The following HNF4G variants were observed in gnomAD, a reference collection of about 807,000 sequenced individuals.
HNF4G encodes hepatocyte nuclear factor 4-gamma.
Under a neutral mutation model 50.9 loss-of-function variants are expected in HNF4G, and 21 were observed. That is an observed-to-expected ratio of 0.41 (90% CI 0.29 to 0.59). The LOEUF is 0.59. HNF4G is among the 20% of genes least tolerant of loss of function. The probability of loss-of-function intolerance (pLI) is 0.26; values close to 1 mark genes in which losing one functional copy is unlikely to be tolerated. For missense variants in HNF4G, 527 were observed against 559.4 expected (o/e 0.94, Z 0.58); for synonymous variants, 198 against 185.6 (o/e 1.07, Z -0.54).
intron 2 of HNF4G, among the ~76,000 whole-genome samples, chr8:75,516,642 T>A (rs1805895545): frequency 6.6e-6 from 1 of 152,186 alleles, no homozygotes; most frequent in Non-Finnish European, 1.5e-5. Flanking sequence ...GTTCTATCAG[T>A]TACTGAGAGA....
chr8:75,516,900 A>G (rs755420556), intron 2 of HNF4G, among the ~76,000 whole-genome samples: 24 of 152,170 alleles, frequency 1.6e-4, no homozygotes, highest in Middle Eastern at 3.2e-3. Flanking sequence ...CTTAATGATT[A>G]TATGATTGTA....
Position 75,564,006 on chromosome 8 carries a change from A to G in HNF4G, c.1278A>G (p.Pro426=), listed in dbSNP as rs61753714. The G allele has an allele frequency of 1.2e-6, 2 of 1,613,696 alleles. No homozygotes were observed. Among genetic ancestry groups the G allele is most frequent in the South Asian group, 2.2e-5 (2 of 91,064 alleles). ...CTGAAACCCCACTCCCTTCCCCACC[A>G]CAAGGCTCTGGGCAAGAACAGTACA... The part of the protein sequence containing the change: ...STPETPLPSP[P]QGSGQEQYKI... Residue 426 remains proline (P), a synonymous_variant, in exon 10 of 10, where the codon CCA becomes CCG. Coordinates refer to ENST00000396423, the MANE Select transcript of HNF4G (RefSeq NM_004133.5).
chr8:75,408,852 C>T (rs2130452417), intron 1 of HNF4G, among the ~76,000 whole-genome samples: 1 of 152,320 alleles, frequency 6.6e-6, no homozygotes, highest in East Asian at 1.9e-4. Context: ...AATGGGATGT[C>T]CCGGAAACTA....
At chr8:75,470,885 G>C (rs1452136742) in intron 1 of HNF4G, among the ~76,000 whole-genome samples, 1 of 152,158 alleles carries the variant, frequency 6.6e-6, no homozygotes, top group Non-Finnish European at 1.5e-5. Flanking sequence ...GATACAAGGG[G>C]TTAAGTCACT....
At chr8:75,557,863 G>C (rs928114212) in intron 6 of HNF4G, among the ~76,000 whole-genome samples, 1 of 152,100 alleles carries the variant, frequency 6.6e-6, no homozygotes, top group Non-Finnish European at 1.5e-5. Flanking sequence ...ATTATAGCTA[G>C]AGAATTTCTA....
At chr8:75,508,504 A>C (rs1805659686) in intron 2 of HNF4G, among the ~76,000 whole-genome samples, 1 of 152,212 alleles carries the variant, frequency 6.6e-6, no homozygotes, top group Non-Finnish European at 1.5e-5. Context: ...CTTAAAAAAG[A>C]ACTTTCTAGG....
chr8:75,513,164 A>G (rs955688505), intron 2 of HNF4G, among the ~76,000 whole-genome samples: 1 of 151,902 alleles, frequency 6.6e-6, no homozygotes, highest in African/African-American at 2.4e-5. Flanking sequence ...CAGCCTCCTG[A>G]GTAGCTGGGA....
chr8:75,493,367 C>T (rs933836330), intron 2 of HNF4G, among the ~76,000 whole-genome samples: 4 of 152,136 alleles, frequency 2.6e-5, no homozygotes, highest in African/African-American at 7.2e-5. Context: ...GGCGTGCTTT[C>T]TTTCTCACAG....
chr8:75,475,670 T>C (rs1812224124), intron 1 of HNF4G, among the ~76,000 whole-genome samples: 1 of 152,210 alleles, frequency 6.6e-6, no homozygotes, highest in Non-Finnish European at 1.5e-5. Flanking sequence ...ATGGATCAGT[T>C]ATATTGATAA....
intron 1 of HNF4G, among the ~76,000 whole-genome samples, chr8:75,441,867 A>G (rs761631960): frequency 9.2e-5 from 14 of 152,248 alleles, no homozygotes; most frequent in Non-Finnish European, 1.9e-4. Flanking sequence ...TATTTATAGC[A>G]GCACTGTTTG....
upstream of HNF4G, among the ~76,000 whole-genome samples, chr8:75,537,673 G>C (rs1426557146): frequency 6.6e-6 from 1 of 151,936 alleles, no homozygotes; most frequent in African/African-American, 2.4e-5. Flanking sequence ...TAGAATTTTT[G>C]CTTTGGATTG....
intron 1 of HNF4G, among the ~76,000 whole-genome samples, chr8:75,438,727 AT>A (rs1811201020): frequency 6.6e-6 from 1 of 152,102 alleles, no homozygotes; most frequent in Non-Finnish European, 1.5e-5. Flanking sequence ...TAAAAACAAT[AT>A]ATATAAAAGA....
chr8:75,459,195 CTT>C (rs1309429342), intron 1 of HNF4G, among the ~76,000 whole-genome samples: 2 of 152,074 alleles, frequency 1.3e-5, no homozygotes, highest in Admixed American at 6.6e-5. Context: ...GTAAATAACA[CTT>C]ATATAAAATT....
At chr8:75,414,249 G>T (rs1459053701) in intron 1 of HNF4G, among the ~76,000 whole-genome samples, 2 of 151,598 alleles carry the variant, frequency 1.3e-5, no homozygotes, top group East Asian at 3.9e-4. Context: ...ATATATAAAT[G>T]GAATCATATA....
intron 1 of HNF4G, among the ~76,000 whole-genome samples, chr8:75,475,839 G>T (rs967694880): frequency 1.3e-5 from 2 of 152,102 alleles, no homozygotes; most frequent in African/African-American, 2.4e-5. Context: ...TAAAGTGTAT[G>T]TAGGGTGTAT....
upstream of HNF4G, chr8:75,408,022 G>C (rs967898036): frequency 6.6e-6 from 1 of 152,162 alleles, no homozygotes; most frequent in Non-Finnish European, 1.5e-5. Flanking sequence ...CGCCCCGGCG[G>C]CTGCCGGGCA....
intron 2 of HNF4G, among the ~76,000 whole-genome samples, chr8:75,513,636 A>T (rs1049410846): frequency 1.3e-5 from 2 of 151,916 alleles, no homozygotes; most frequent in South Asian, 4.1e-4. Context: ...TTACTATTTT[A>T]TATCTATTGT....
intron 9 of HNF4G, 95 bp downstream of exon 9, chr8:75,560,561 C>A (rs1585960697): frequency 8.1e-7 from 1 of 1,236,708 alleles, no homozygotes; most frequent in African/African-American, 1.5e-5. Context: ...CCAGAAATGG[C>A]AAAAACTTGG....
intron 1 of HNF4G, among the ~76,000 whole-genome samples, chr8:75,489,100 C>G (rs1402496643): frequency 6.6e-6 from 1 of 152,152 alleles, no homozygotes; most frequent in Non-Finnish European, 1.5e-5. Flanking sequence ...GCCACAATAG[C>G]ATCTCATATT....
Sources: gnomAD v4.1 joint callset for allele counts (sites outside exome capture counted in the v4.1 genomes callset) on GRCh38, gnomAD v4.1.1 for gene constraint, MANE v1.5 for transcripts, NCBI Gene and HGNC (gene_info 2026-07-23, HGNC 2026-07-21) for gene names.